Variants in SAMD9 observed in about 807,000 individuals in gnomAD.
SAMD9 encodes the protein sterile alpha motif domain-containing protein 9.
In SAMD9, 3 loss-of-function variants were observed where a neutral mutation model predicts 1.5. The ratio of observed to expected loss-of-function variants is 2.05; its 90% CI spans 0.93 to 5.29. SAMD9 has a LOEUF of 5.29. Among genes scored for constraint, SAMD9 ranks in the 30% most tolerant of loss-of-function variants. The probability of loss-of-function intolerance (pLI) is 0.02; values close to 1 mark genes in which losing one functional copy is unlikely to be tolerated. For missense variants in SAMD9, 1,597 were observed against 1,820.8 expected, an observed-to-expected ratio of 0.88 and a Z score of 2.24; for synonymous variants, 635 against 631.9, an observed-to-expected ratio of 1.00 and a Z score of -0.07.
chr7:93,100,980 A>C lies in SAMD9; in HGVS notation c.*348T>G, dbSNP rs1368512833. ...TCTAATGTCTAAATGCCATTTGAGT[A>C]GACAATCTTCTTCAATCCATGCCTG... On this transcript the variant is annotated 3_prime_UTR_variant, in exon 3 of 3. Coordinates refer to ENST00000379958, the MANE Select transcript of SAMD9 (RefSeq NM_017654.4). The C allele has an allele frequency of 6.9e-6, 2 of 287,882 alleles. No individual in the cohort carries two copies. Among genetic ancestry groups the C allele is most frequent in the Non-Finnish European group, 1.3e-5 (2 of 151,930 alleles). The allele number at this position is 287,882 out of a possible 1,614,324, so 17.8% of individuals were successfully genotyped here. A position where few individuals can be genotyped will look rare whatever the true frequency, so the allele number is the denominator to read the frequency against.
At position 93,104,526 on chromosome 7, in the gene SAMD9, C is replaced by T. The variant is rs764192726; in HGVS notation, c.1572G>A (p.Leu524=). 6.2e-7 allele frequency: 1 copy of T among 1,614,028 alleles called. No homozygotes were observed. The highest frequency in any genetic ancestry group is 2.2e-5 in the East Asian group (1 of 44,874). ...TGTCTTCATGTGTAAGAAATGAAAT[C>T]AGTTTCCTGACATCAGAAGCTCTTT... ...QRERASDVRK[L]ISFLTHEDIM... is the part of the protein sequence containing the mutation. Residue 524 remains leucine (L), a synonymous_variant, in exon 3 of 3, where the codon CTG becomes CTA. Coordinates refer to ENST00000379958, the MANE Select transcript of SAMD9 (RefSeq NM_017654.4).
At chr7:93,111,379 A>C (rs1366760066) in intron 2 of SAMD9, among the ~76,000 whole-genome samples, 1 of 152,224 alleles carries the variant, frequency 6.6e-6, no homozygotes, top group African/African-American at 2.4e-5. Flanking sequence ...TGACACCCTA[A>C]CATCACAATT....
Position 93,100,153 on chromosome 7 carries a change from C to G in SAMD9, c.*1175G>C, listed in dbSNP as rs1791503060. Reference sequence around the variant, plus strand: ...GGTTGAAGAAACCAAAAAAGAAAACCAGGTTTTTGTCCTGTGAATTTCCCC... The same window carrying G: ...GGTTGAAGAAACCAAAAAAGAAAACGAGGTTTTTGTCCTGTGAATTTCCCC... On this transcript the variant is annotated 3_prime_UTR_variant, in exon 3 of 3. Coordinates refer to ENST00000379958, the MANE Select transcript of SAMD9 (RefSeq NM_017654.4). 1 of 151,930 alleles carries G rather than the reference C, an allele frequency of 6.6e-6. No individual in the cohort carries two copies. The highest frequency in any genetic ancestry group is 2.4e-5 in the African/African-American group (1 of 41,366). 9.4% of individuals were successfully genotyped at this position (151,930 alleles called of 1,614,324 possible).
chr7:93,102,556 A>G lies in SAMD9; in HGVS notation c.3542T>C (p.Leu1181Ser), dbSNP rs957239536. The change falls in exon 3 of 3, where the codon TTG (leucine) becomes TCG (serine). Residue 1181 changes from leucine to serine, a missense_variant. Physicochemically the swap from Leu to Ser is moderately radical, Grantham distance 145 (BLOSUM62 -2). This residue lies in a region of SAMD9 where 682 missense variants were observed against 810.0 expected (regional missense o/e 0.84). Coordinates refer to ENST00000379958, the MANE Select transcript of SAMD9 (RefSeq NM_017654.4). ...ATACCGCCTTTTTGACTTCGGATAC[A>G]ATCTTTCCTTCACTTCATACTCTCT... Reference protein sequence around the residue: ...EDREYEVKERLYPKSKRRYDT... With the variant: ...EDREYEVKERSYPKSKRRYDT... 6.2e-7 allele frequency: 1 copy of G among 1,613,722 alleles called. No individual in the cohort carries two copies. Among genetic ancestry groups the G allele is most frequent in the Non-Finnish European group, 8.5e-7 (1 of 1,179,772 alleles).
chr7:93,110,446 C>G (rs139830074), intron 2 of SAMD9, among the ~76,000 whole-genome samples: 6,502 of 152,218 alleles, frequency 0.043, 212 homozygotes, highest in South Asian at 0.19. Flanking sequence ...GGATCAAATT[C>G]ACACATAACA....
In SAMD9 at chr7:93,102,472, T is replaced by G; in HGVS notation, c.3626A>C (p.Gln1209Pro). Residue 1209 changes from glutamine to proline, a missense_variant, in exon 3 of 3, where the codon CAA becomes CCA. Coordinates refer to ENST00000379958, the MANE Select transcript of SAMD9 (RefSeq NM_017654.4). ...GEIEVGLYTI[Q>P]ILQLIPFFDN... is the part of the protein sequence containing the mutation. ...AAAAAAAGGAATGAGCTGGAGAATTTGGATTGTGTAAAGCCCAACTTCTAT... is the reference window on the plus strand; with the variant it reads ...AAAAAAAGGAATGAGCTGGAGAATTGGGATTGTGTAAAGCCCAACTTCTAT... The G allele has an allele frequency of 6.2e-7, 1 of 1,613,782 alleles. No individual in the cohort carries two copies.
chr7:93,114,370 G>A (rs1016358932), intron 2 of SAMD9, among the ~76,000 whole-genome samples: 11 of 151,970 alleles, frequency 7.2e-5, no homozygotes, highest in African/African-American at 2.4e-4. Flanking sequence ...AATGGGTGCA[G>A]CACACCAACA....
intron 1 of SAMD9, among the ~76,000 whole-genome samples, chr7:93,116,150 T>G (rs1791829128): frequency 6.6e-6 from 1 of 152,216 alleles, no homozygotes; most frequent in African/African-American, 2.4e-5. Flanking sequence ...TCCTAGGGTC[T>G]CCCTGACTTC....
chr7:93,116,070 G>T (rs1791827525), intron 1 of SAMD9, among the ~76,000 whole-genome samples: 1 of 152,130 alleles, frequency 6.6e-6, no homozygotes, highest in South Asian at 2.1e-4. Flanking sequence ...CTGCTAGCGT[G>T]CGCTGGCTCC....
At position 93,104,354 on chromosome 7, in the gene SAMD9, T is replaced by C. The variant is rs1388047206; in HGVS notation, c.1744A>G (p.Ile582Val). 1 of 1,613,902 alleles carries C rather than the reference T, an allele frequency of 6.2e-7. No individual in the cohort carries two copies. Among genetic ancestry groups the C allele is most frequent in the Non-Finnish European group, 8.5e-7 (1 of 1,179,848 alleles). ...NILCICVHPH[I>V]FQGWKDLLEA... ...AGTAGATCTTTCCATCCCTGAAATA[T>C]GTGTGGGTGCACACAAATACACAGT... The change falls in exon 3 of 3, where the codon ATA (isoleucine) becomes GTA (valine). Residue 582 changes from isoleucine (I) to valine (V), a missense_variant. Physicochemically the swap from Ile to Val is conservative, Grantham distance 29. Transcript: ENST00000379958.
Position 93,104,942 on chromosome 7 carries a change from T to C in SAMD9, c.1156A>G (p.Lys386Glu). 1 of 1,610,956 alleles carries C rather than the reference T, an allele frequency of 6.2e-7. No individual in the cohort carries two copies. The highest frequency in any genetic ancestry group is 8.5e-7 in the Non-Finnish European group (1 of 1,179,126). Residue 386 changes from lysine (K) to glutamate (E), a missense_variant, in exon 3 of 3, where the codon AAA becomes GAA. By Grantham distance (56) the Lys-to-Glu change is moderately conservative. This residue lies in a region of SAMD9 where 498 missense variants were observed against 457.4 expected (regional missense o/e 1.09). Coordinates refer to ENST00000379958, the MANE Select transcript of SAMD9 (RefSeq NM_017654.4). ...AEEKFRAKTNKKEREGPKLVK... is the reference protein window; with the variant it reads ...AEEKFRAKTNEKEREGPKLVK... ...AACTTTGGTCCCTCTCTTTCTTTTT[T>C]ATTTGTTTTTGCTCTGAATTTTTCT...
intron 2 of SAMD9, among the ~76,000 whole-genome samples, chr7:93,111,148 AAAC>A (rs1791735865): frequency 1.3e-5 from 2 of 152,166 alleles, no homozygotes; most frequent in Admixed American, 1.3e-4. Context: ...CAGGATTAAG[AAAC>A]TCACTCAAAA....
At position 93,102,612 on chromosome 7, in the gene SAMD9, T is replaced by TC; in HGVS notation, c.3485_3486insG (p.Phe1163IlefsTer9). 1 of 1,613,854 alleles carries TC rather than the reference T, an allele frequency of 6.2e-7. No homozygotes were observed. Among genetic ancestry groups the TC allele is most frequent in the East Asian group, 2.2e-5 (1 of 44,874 alleles). On this transcript the variant is annotated frameshift_variant, in exon 3 of 3. Coordinates refer to ENST00000379958, the MANE Select transcript of SAMD9 (RefSeq NM_017654.4). LOFTEE classifies it low-confidence loss of function (END_TRUNC). ...CACTTTGCTGTTGAGATTCTTTGAA[T>TC]GCACTTGAGGCATGTTCTGCTAAAT...
intron 1 of SAMD9, among the ~76,000 whole-genome samples, chr7:93,116,425 A>C (rs144631220): frequency 4.1e-4 from 63 of 152,322 alleles, no homozygotes; most frequent in African/African-American, 1.4e-3. Context: ...AGACACTATG[A>C]ATATTTCAAA....
chr7:93,105,541 C>T lies in SAMD9; in HGVS notation c.557G>A (p.Gly186Glu), dbSNP rs758207444. The T allele has an allele frequency of 3.1e-6, 5 of 1,613,910 alleles. No individual in the cohort carries two copies. The highest frequency in any genetic ancestry group is 1.7e-5 in the Admixed American group (1 of 59,996). Residue 186 changes from glycine (G) to glutamate (E), a missense_variant, in exon 3 of 3, where the codon GGA becomes GAA. Physicochemically the swap from Gly to Glu is moderately conservative, Grantham distance 98 (BLOSUM62 -2). Around this residue, in one of 6 missense-constraint regions of SAMD9, gnomAD observed 498 missense variants for 457.4 expected, o/e 1.09. Transcript: ENST00000379958. ...KLDFSLQPET[G>E]PGNLIDPIHE... The stretch of plus-strand genomic sequence containing the variant: ...TATCGGATCAATGAGATTGCCTGGT[C>T]CTGTTTCAGGCTGTAGACTAAAATC...
rs760675282 is a variant in SAMD9, at chr7:93,105,815, C to G, written c.283G>C (p.Ala95Pro). 31 of 1,614,000 alleles carry G rather than the reference C, an allele frequency of 1.9e-5. No homozygotes were observed. Among genetic ancestry groups the G allele is most frequent in the East Asian group, 6.7e-5 (3 of 44,876 alleles). The change falls in exon 3 of 3, where the codon GCT (alanine) becomes CCT (proline). Residue 95 changes from alanine (A) to proline (P), a missense_variant. By Grantham distance (27) the Ala-to-Pro change is conservative (BLOSUM62 -1). Transcript: ENST00000379958. ...TSKMGKPSKN[A>P]PKDQTVSQKE... is the part of the protein sequence containing the mutation. Reference sequence around the variant, plus strand: ...TGAGACACAGTTTGGTCTTTAGGAGCATTTTTACTGGGCTTTCCCATCTTA... The same window carrying G: ...TGAGACACAGTTTGGTCTTTAGGAGGATTTTTACTGGGCTTTCCCATCTTA...
chr7:93,106,049 C>G lies in SAMD9; in HGVS notation c.49G>C (p.Glu17Gln). 1 of 1,593,512 alleles carries G rather than the reference C, an allele frequency of 6.3e-7. No individual in the cohort carries two copies. The change falls in exon 3 of 3, where the codon GAG (glutamate) becomes CAG (glutamine). Residue 17 changes from glutamate to glutamine, a missense_variant. Physicochemically the swap from Glu to Gln is conservative, Grantham distance 29 (BLOSUM62 2). Transcript: ENST00000379958. ...LPENTDDWTK[E>Q]DVNQWLESHK... ...CTTTCTAACCACTGATTTACATCCT[C>G]TTTTGTCCAATCATCTGTATTTTCT...
chr7:93,108,765 C>T (rs961557461), intron 2 of SAMD9, among the ~76,000 whole-genome samples: 2 of 152,182 alleles, frequency 1.3e-5, no homozygotes, highest in Non-Finnish European at 2.9e-5. Flanking sequence ...GGGCGTCCAC[C>T]ATTGCTGAGG....
Position 93,103,475 on chromosome 7 carries a change from G to A in SAMD9, c.2623C>T (p.Gln875Ter). ...FELKLKEIKE[Q>*]HKNFEDFYSF... is the part of the protein sequence containing the mutation. Reference sequence around the variant, plus strand: ...TAAAAATCCTCAAAGTTTTTATGCTGTTCTTTGATTTCTTTCAATTTAAGC... The same window carrying A: ...TAAAAATCCTCAAAGTTTTTATGCTATTCTTTGATTTCTTTCAATTTAAGC... The change falls in exon 3 of 3, where the codon CAG becomes TAG. Residue 875 changes from glutamine to a stop codon, truncating the protein, a stop_gained. Coordinates refer to ENST00000379958, the MANE Select transcript of SAMD9 (RefSeq NM_017654.4). LOFTEE classifies it low-confidence loss of function (END_TRUNC). The A allele has an allele frequency of 6.2e-7, 1 of 1,613,064 alleles. No homozygotes were observed. The highest frequency in any genetic ancestry group is 2.2e-5 in the East Asian group (1 of 44,870).
Sources: allele counts gnomAD v4.1 joint callset (sites outside exome capture counted in the v4.1 genomes callset), GRCh38; gene constraint gnomAD v4.1.1; regional missense constraint gnomAD v4.1.1; transcripts MANE v1.5; gene names NCBI Gene and HGNC (gene_info 2026-07-23, HGNC 2026-07-21).